Variants in LRRC7 observed in about 807,000 individuals in gnomAD.
LRRC7 encodes leucine-rich repeat-containing protein 7.
LRRC7 carries 23 observed loss-of-function variants against 175.7 expected under a neutral mutation model. The observed-to-expected ratio is 0.13, with a 90% CI of 0.09 to 0.19. LRRC7 has a LOEUF of 0.19. LRRC7 is among the 10% of genes least tolerant of loss of function. The probability of loss-of-function intolerance (pLI) is 1.00; values close to 1 mark genes in which losing one functional copy is unlikely to be tolerated. For missense variants in LRRC7, 1,354 were observed against 1,904.7 expected, an observed-to-expected ratio of 0.71 and a Z score of 5.38; for synonymous variants, 685 against 680.9, an observed-to-expected ratio of 1.01 and a Z score of -0.09.
chr1:69,569,771 G>A (rs1173667362), intron 1 of LRRC7, among the ~76,000 whole-genome samples: 1 of 151,942 alleles, frequency 6.6e-6, no homozygotes, highest in Non-Finnish European at 1.5e-5. Flanking sequence ...CATAAAGCGA[G>A]CGGGTTGGGC....
chr1:69,960,627 T>C (rs2101842818), intron 8 of LRRC7, among the ~76,000 whole-genome samples: 1 of 152,060 alleles, frequency 6.6e-6, no homozygotes, highest in South Asian at 2.1e-4. Flanking sequence ...TTCAGTGCTA[T>C]AAATTACCCT....
intron 5 of LRRC7, among the ~76,000 whole-genome samples, chr1:69,829,832 T>C (rs1255053823): frequency 1.3e-5 from 2 of 151,790 alleles, no homozygotes; most frequent in Non-Finnish European, 3.0e-5. Flanking sequence ...CTTCATCAAG[T>C]GTATCCAGCT....
chr1:69,804,348 A>G (rs541642410), intron 4 of LRRC7, among the ~76,000 whole-genome samples: 1 of 151,598 alleles, frequency 6.6e-6, no homozygotes, highest in Admixed American at 6.6e-5. Context: ...TCTAAGACAA[A>G]TACCACATTT....
intron 11 of LRRC7, 107 bp from the exon 12 acceptor site, chr1:70,011,690 T>C (rs1005271524): frequency 1.3e-5 from 9 of 689,404 alleles, no homozygotes; most frequent in Admixed American, 5.0e-5. Flanking sequence ...ATTATGTTGT[T>C]ACCGCATGAA....
chr1:69,677,890 C>T (rs1659996790), intron 1 of LRRC7, among the ~76,000 whole-genome samples: 1 of 152,036 alleles, frequency 6.6e-6, no homozygotes, highest in South Asian at 2.1e-4. Flanking sequence ...CAGGCCTTCA[C>T]TGTGGCTTGA....
rs1666870193 is a variant in LRRC7 at position 70,136,305 on chromosome 1, A to G, written c.*14418A>G. ...CAAAATATATACTTATATTTTGAGTATTCATCCAGACCTGTAGGTTTGAAT... is the reference window on the plus strand; with the variant it reads ...CAAAATATATACTTATATTTTGAGTGTTCATCCAGACCTGTAGGTTTGAAT... On this transcript the variant is annotated 3_prime_UTR_variant, in exon 27 of 27. Transcript: ENST00000651989. Among the ~76,000 whole-genome samples the G allele has an allele frequency of 2.0e-5, 3 of 152,202 alleles. No homozygotes were observed. The highest frequency in any genetic ancestry group is 2.0e-4 in the Admixed American group (3 of 15,304).
intron 3 of LRRC7, among the ~76,000 whole-genome samples, chr1:69,767,688 C>A (rs1243645210): frequency 6.6e-6 from 1 of 152,120 alleles, no homozygotes; most frequent in Admixed American, 6.6e-5. Flanking sequence ...TCTCAAACTC[C>A]TAGCCTCAAG....
chr1:69,991,655 G>A (rs1235048767), intron 10 of LRRC7, among the ~76,000 whole-genome samples: 1 of 152,248 alleles, frequency 6.6e-6, no homozygotes, highest in Non-Finnish European at 1.5e-5. Context: ...TCCTTATTTG[G>A]ATCATGGATT....
intron 7 of LRRC7, among the ~76,000 whole-genome samples, chr1:69,916,051 T>C (rs1263534187): frequency 5.1e-5 from 7 of 137,110 alleles, no homozygotes; most frequent in Non-Finnish European, 1.1e-4. Context: ...TATATATATA[T>C]TTTATATGTA....
intron 8 of LRRC7, among the ~76,000 whole-genome samples, chr1:69,950,067 C>G (rs1649759947): frequency 6.6e-6 from 1 of 151,692 alleles, no homozygotes; most frequent in African/African-American, 2.4e-5. Context: ...TCAGCTTACT[C>G]TTTTTCCATT....
At chr1:69,578,849 G>A (rs1386745155) in intron 1 of LRRC7, among the ~76,000 whole-genome samples, 2 of 148,982 alleles carry the variant, frequency 1.3e-5, no homozygotes, top group African/African-American at 2.5e-5. Context: ...GCTAAATGAC[G>A]AGTTAATGGG....
At chr1:69,716,259 T>C (rs1319459015) in intron 2 of LRRC7, 2 of 440,400 alleles carry the variant, frequency 4.5e-6, no homozygotes, top group Non-Finnish European at 8.2e-6. Flanking sequence ...GTATATAGAA[T>C]TCAGTAGTGT....
intron 7 of LRRC7, among the ~76,000 whole-genome samples, chr1:69,880,856 A>C (rs1046436501): frequency 6.6e-6 from 1 of 152,162 alleles, no homozygotes; most frequent in Non-Finnish European, 1.5e-5. Context: ...TTTCAAAAGT[A>C]TTTTCCAGAA....
intron 7 of LRRC7, among the ~76,000 whole-genome samples, chr1:69,861,397 A>C (rs1444474775): frequency 6.6e-6 from 1 of 152,222 alleles, no homozygotes; most frequent in African/African-American, 2.4e-5. Context: ...GATTTAGAAA[A>C]AGGAGAATGT....
chr1:70,082,706 A>T (rs1040446193), intron 24 of LRRC7, among the ~76,000 whole-genome samples: 6 of 144,814 alleles, frequency 4.1e-5, no homozygotes, highest in Admixed American at 1.4e-4. Context: ...TACATACAGA[A>T]TCAGCTAATT....
At chr1:69,621,165 T>C (rs1023855107) in intron 1 of LRRC7, among the ~76,000 whole-genome samples, 1 of 151,868 alleles carries the variant, frequency 6.6e-6, no homozygotes, top group Non-Finnish European at 1.5e-5. Flanking sequence ...TGGTCTCAGG[T>C]TCCCGAGTAG....
At chr1:70,061,692 A>C (rs1221038885) in intron 23 of LRRC7, among the ~76,000 whole-genome samples, 1 of 152,184 alleles carries the variant, frequency 6.6e-6, no homozygotes. Context: ...AGGACATAAA[A>C]AAGTGGAAAA....
intron 14 of LRRC7, among the ~76,000 whole-genome samples, chr1:70,018,000 A>C (rs1265655854): frequency 6.6e-6 from 1 of 152,116 alleles, no homozygotes; most frequent in East Asian, 1.9e-4. Context: ...ACTCAGTTTC[A>C]TGAGACAAAC....
At chr1:69,971,010 T>C (rs1557943203) in intron 8 of LRRC7, among the ~76,000 whole-genome samples, 1 of 151,960 alleles carries the variant, frequency 6.6e-6, no homozygotes, top group South Asian at 2.1e-4. Flanking sequence ...ACCACATAAA[T>C]AGAATAAAAA....
Sources: allele counts gnomAD v4.1 joint callset (sites outside exome capture counted in the v4.1 genomes callset), GRCh38; gene constraint gnomAD v4.1.1; transcripts MANE v1.5; gene names NCBI Gene and HGNC (gene_info 2026-07-23, HGNC 2026-07-21).